The following PARP15 variants were observed in gnomAD, a reference collection of about 807,000 sequenced individuals.
The protein encoded by PARP15 is protein mono-ADP-ribosyltransferase PARP15.
In PARP15, 50 loss-of-function variants were observed where a neutral mutation model predicts 62.1. The observed-to-expected ratio is 0.81, with a 90% CI of 0.64 to 1.02. The LOEUF (loss-of-function observed/expected upper bound fraction) is 1.02, where lower values mean the gene tolerates loss of function less well. Ranked by LOEUF, PARP15 falls within the 50% of genes least tolerant of loss-of-function variation. PARP15 has a pLI of 0.00. For synonymous variants in PARP15, 309 were observed against 293.1 expected, an observed-to-expected ratio of 1.05 and a Z score of -0.55; for missense variants, 820 against 826.5, an observed-to-expected ratio of 0.99 and a Z score of 0.10.
chr3:122,615,020 ACT>A (rs1935848077), intron 4 of PARP15: 2 of 923,924 alleles, frequency 2.2e-6, no homozygotes, highest in Non-Finnish European at 2.5e-6. Flanking sequence ...ACAGAATGAG[ACT>A]CTGTCTGCAA....
intron 3 of PARP15, among the ~76,000 whole-genome samples, chr3:122,612,368 CT>C (rs111945019): frequency 0.038 from 5,449 of 143,410 alleles, 276 homozygotes; most frequent in African/African-American, 0.12. Flanking sequence ...TATTCTCTCT[CT>C]TTTTTTTTTT....
chr3:122,632,158 C>T lies in PARP15; in HGVS notation c.1511C>T (p.Ser504Leu), dbSNP rs1937092460. 2 of 1,613,812 alleles carry T rather than the reference C, an allele frequency of 1.2e-6. No homozygotes were observed. Among genetic ancestry groups the T allele is most frequent in the East Asian group, 4.5e-5 (2 of 44,866 alleles). ...ATGGTCCAGCTAGAGCCAGGACAAT[C>T]AGAATATAATACCATAAAGGACAAG... ...FCMVQLEPGQSEYNTIKDKFT... is the reference protein window; with the variant it reads ...FCMVQLEPGQLEYNTIKDKFT... The change falls in exon 10 of 12, where the codon TCA becomes TTA. Residue 504 changes from serine to leucine, a missense_variant. This residue lies in a region of PARP15 where 731 missense variants were observed against 727.7 expected (regional missense o/e 1.00). Transcript: ENST00000464300.
At chr3:122,583,492 CT>C (rs35148084) in intron 1 of PARP15, among the ~76,000 whole-genome samples, 1 of 152,008 alleles carries the variant, frequency 6.6e-6, no homozygotes, top group Non-Finnish European at 1.5e-5. Flanking sequence ...TATATTGCTA[CT>C]TTTTTCATGC....
chr3:122,621,167 C>G (rs1371280470), intron 7 of PARP15, among the ~76,000 whole-genome samples: 2 of 152,118 alleles, frequency 1.3e-5, no homozygotes, highest in Non-Finnish European at 2.9e-5. Flanking sequence ...AAAACAGTAC[C>G]TGCCTCATAG....
In PARP15 at chr3:122,636,100, A is replaced by G; in HGVS notation, c.2037A>G (p.Ter679=). Residue 679 remains the stop codon, a stop_retained_variant, in exon 12 of 12, where the codon TAA becomes TAG. Transcript: ENST00000464300. ...AATATCTCATAACTTTCACGGCTTA[A>G]AAATATTTTTATCATCAAAGAGATG... The part of the protein sequence containing the change: ...YPEYLITFTA[*] 2 of 1,606,674 alleles carry G rather than the reference A, an allele frequency of 1.2e-6. No homozygotes were observed. Among genetic ancestry groups the G allele is most frequent in the Non-Finnish European group, 1.7e-6 (2 of 1,174,742 alleles).
chr3:122,586,737 C>A (rs1185141707), intron 1 of PARP15, among the ~76,000 whole-genome samples: 1 of 151,860 alleles, frequency 6.6e-6, no homozygotes, highest in Non-Finnish European at 1.5e-5. Context: ...CACAATCCCC[C>A]CAACTATCAA....
At position 122,632,206 on chromosome 3, in the gene PARP15, A is replaced by G. The variant is rs1937098560; in HGVS notation, c.1559A>G (p.Tyr520Cys). The change falls in exon 10 of 12, where the codon TAC (tyrosine) becomes TGC (cysteine). Residue 520 changes from tyrosine to cysteine, a missense_variant. Around this residue, in one of 3 missense-constraint regions of PARP15, gnomAD observed 731 missense variants for 727.7 expected, o/e 1.00. Transcript: ENST00000464300. ...KDKFTRTCSS[Y>C]AIEKIERIQN... Reference sequence around the variant, plus strand: ...AAGTTCACCCGAACTTGTTCTTCCTACGCAATAGAGAAGGTAATACTGTGT... The same window carrying G: ...AAGTTCACCCGAACTTGTTCTTCCTGCGCAATAGAGAAGGTAATACTGTGT... The G allele has an allele frequency of 1.9e-6, 3 of 1,613,478 alleles. No homozygotes were observed. The highest frequency in any genetic ancestry group is 1.1e-5 in the South Asian group (1 of 91,060).
intron 2 of PARP15, among the ~76,000 whole-genome samples, chr3:122,608,233 T>TTTTTTTTC (rs1553730643): frequency 2.0e-5 from 3 of 146,626 alleles, no homozygotes; most frequent in African/African-American, 7.8e-5. Flanking sequence ...TTTTTTTTTT[T>TTTTTTTTC]TGATACTGAG....
Position 122,635,737 on chromosome 3 carries a change from T to A in PARP15, c.1748-74T>A. ...TAAAACTGCATTTAGAAAACAATTT[T>A]GTCAGATTGGGCATGGTTCTACACA... On this transcript the variant is annotated intron_variant, in intron 11 of 11. Coordinates refer to ENST00000464300, the MANE Select transcript of PARP15 (RefSeq NM_001113523.3). 2.0e-6 allele frequency: 3 copies of A among 1,487,960 alleles called. No individual in the cohort carries two copies. In the Middle Eastern group the frequency reaches 5.4e-4, roughly 267 times the overall value. 92.2% of individuals were successfully genotyped at this position (1,487,960 alleles called of 1,614,324 possible).
intron 4 of PARP15, chr3:122,615,172 C>A (rs2107549365): frequency 8.2e-7 from 1 of 1,219,024 alleles, no homozygotes; most frequent in South Asian, 1.5e-5. Context: ...ACTCTGTCGC[C>A]CATTGCTCAA....
chr3:122,616,543 G>A (rs1935986491), intron 5 of PARP15, among the ~76,000 whole-genome samples: 1 of 152,004 alleles, frequency 6.6e-6, no homozygotes, highest in South Asian at 2.1e-4. Flanking sequence ...TGTTGACCAA[G>A]CTGGTCTCGA....
At chr3:122,600,780 A>G (rs1412159207) in intron 1 of PARP15, among the ~76,000 whole-genome samples, 1 of 148,570 alleles carries the variant, frequency 6.7e-6, no homozygotes, top group East Asian at 2.0e-4. Flanking sequence ...TTGCCCCCAA[A>G]TTCATTATTA....
chr3:122,620,776 A>G (rs1248494571), intron 7 of PARP15, among the ~76,000 whole-genome samples: 1 of 151,948 alleles, frequency 6.6e-6, no homozygotes, highest in African/African-American at 2.4e-5. Flanking sequence ...GTGCCTGGTC[A>G]TGGGTGCTCC....
In PARP15 at chr3:122,626,981, A is replaced by C; in HGVS notation, c.1386A>C (p.Lys462Asn). Reference sequence around the variant, plus strand: ...ATATATTCTACGACAGCATGAAAAAAAGAGACCTCTCTGCATCACTGAACT... The same window carrying C: ...ATATATTCTACGACAGCATGAAAAACAGAGACCTCTCTGCATCACTGAACT... The part of the protein sequence containing the change: ...LLNIFYDSMK[K>N]RDLSASLNFQ... Residue 462 changes from lysine to asparagine, a missense_variant, in exon 9 of 12, where the codon AAA (lysine) becomes AAC (asparagine). By Grantham distance (94) the Lys-to-Asn change is moderately conservative. This residue lies in a region of PARP15 where 731 missense variants were observed against 727.7 expected (regional missense o/e 1.00). Transcript: ENST00000464300. 1 of 1,614,076 alleles carries C rather than the reference A, an allele frequency of 6.2e-7. No homozygotes were observed. Among genetic ancestry groups the C allele is most frequent in the South Asian group, 1.1e-5 (1 of 91,044 alleles).
intron 9 of PARP15, among the ~76,000 whole-genome samples, chr3:122,630,268 G>A (rs10511412): frequency 0.015 from 2,272 of 152,252 alleles, 63 homozygotes; most frequent in African/African-American, 0.052. Flanking sequence ...TTGTCTAGCC[G>A]AAGTCACCTT....
chr3:122,632,153 A>T lies in PARP15; in HGVS notation c.1506A>T (p.Gly502=). 6.2e-7 allele frequency: 1 copy of T among 1,613,970 alleles called. No homozygotes were observed. The highest frequency in any genetic ancestry group is 8.5e-7 in the Non-Finnish European group (1 of 1,179,876). ...TTTGCATGGTCCAGCTAGAGCCAGG[A>T]CAATCAGAATATAATACCATAAAGG... ...QLFCMVQLEP[G]QSEYNTIKDK... The change falls in exon 10 of 12, where the codon GGA becomes GGT. Residue 502 remains glycine, a synonymous_variant. Coordinates refer to ENST00000464300, the MANE Select transcript of PARP15 (RefSeq NM_001113523.3).
At chr3:122,608,089 T>G (rs1385004172) in intron 2 of PARP15, among the ~76,000 whole-genome samples, 1 of 152,120 alleles carries the variant, frequency 6.6e-6, no homozygotes, top group African/African-American at 2.4e-5. Context: ...TTCCAAGTAC[T>G]CCATCGTCTG....
chr3:122,611,295 A>G (rs1288497921), intron 3 of PARP15, among the ~76,000 whole-genome samples: 3 of 152,156 alleles, frequency 2.0e-5, no homozygotes. Flanking sequence ...ACAAAAAGAC[A>G]ATAAAAATAA....
At chr3:122,623,457 C>T (rs549030609) in intron 8 of PARP15, among the ~76,000 whole-genome samples, 1 of 152,168 alleles carries the variant, frequency 6.6e-6, no homozygotes. Flanking sequence ...GTGGAATGAG[C>T]CTGTCAAGGG....
Sources: gnomAD v4.1 joint callset for allele counts (sites outside exome capture counted in the v4.1 genomes callset) on GRCh38, gnomAD v4.1.1 for gene constraint, gnomAD v4.1.1 regional missense constraint, MANE v1.5 for transcripts, NCBI Gene and HGNC (gene_info 2026-07-23, HGNC 2026-07-21) for gene names.